MROH2A: variants seen among roughly 807,000 people sequenced by gnomAD.
MROH2A encodes the protein maestro heat like repeat family member 2A.
A neutral mutation model predicts 200.4 loss-of-function variants in MROH2A; 174 were observed. The observed-to-expected ratio is 0.87, with a 90% CI of 0.77 to 0.98. The LOEUF (loss-of-function observed/expected upper bound fraction) is 0.98. Among genes scored for constraint, MROH2A ranks in the 50% least tolerant of loss-of-function variants. The pLI is 0.00. For synonymous variants in MROH2A, 829 were observed against 840.4 expected, an observed-to-expected ratio of 0.99 and a Z score of 0.23; for missense variants, 2,045 against 2,139.6, an observed-to-expected ratio of 0.96 and a Z score of 0.87.
At chr2:233,830,414 G>A (rs1292482979) in intron 38 of MROH2A, among the ~76,000 whole-genome samples, 1 of 152,164 alleles carries the variant, frequency 6.6e-6, no homozygotes, top group Non-Finnish European at 1.5e-5. Context: ...TGGGGAGGTG[G>A]CTGATTTGGG....
Position 233,807,840 on chromosome 2 carries a change from G to A in MROH2A, c.2280G>A (p.Gln760=). ...ERIQESEQSW[Q]ISAWRKDHPW... ...TCCAGGAGTCAGAGCAGTCCTGGCA[G>A]ATCAGTGCTTGGCGGGTAAGCCACC... Residue 760 remains glutamine, a synonymous_variant, in exon 21 of 42, where the codon CAG becomes CAA. Transcript: ENST00000389758. This position sits in a 1 kb window ranked among gnomAD's most constrained non-coding sequence, Gnocchi z 4.3. 1.9e-6 allele frequency: 3 copies of A among 1,551,042 alleles called. No individual in the cohort carries two copies. The highest frequency in any genetic ancestry group is 1.7e-4 in the Middle Eastern group (1 of 5,998).
At chr2:233,799,086 C>G (rs1466288629) in intron 12 of MROH2A, among the ~76,000 whole-genome samples, 2 of 152,168 alleles carry the variant, frequency 1.3e-5, no homozygotes, top group Non-Finnish European at 2.9e-5. Flanking sequence ...CCACCTTGGA[C>G]CCAACAGAGG....
chr2:233,802,321 C>A lies in MROH2A; in HGVS notation c.1708+6C>A, dbSNP rs1702525141. 6.5e-7 allele frequency: 1 copy of A among 1,547,760 alleles called. No individual in the cohort carries two copies. Among genetic ancestry groups the A allele is most frequent in the South Asian group, 1.2e-5 (1 of 83,604 alleles). On this transcript the variant is annotated splice_donor_region_variant and intron_variant, in intron 15 of 41. Transcript: ENST00000389758. ...GGCTGGCAAGAGCAGGCAAGGTGGG[C>A]AAAGTTCCTGTCCAGCTGATTGGAT...
At chr2:233,792,945 G>T (rs1575926742) in intron 6 of MROH2A, 51 bp downstream of exon 6, 3 of 1,522,848 alleles carry the variant, frequency 2.0e-6, no homozygotes, top group Admixed American at 3.9e-5. Context: ...GGCGCCGGAG[G>T]GAGACTGCTG....
Position 233,810,928 on chromosome 2 carries a change from G to C in MROH2A, c.2571+12G>C. On this transcript the variant is annotated intron_variant, in intron 23 of 41. Coordinates refer to ENST00000389758, the MANE Select transcript of MROH2A (RefSeq NM_001394639.1). Reference sequence around the variant, plus strand: ...CCAGCATTATAGTGGTAAGCTGGGTGGGGCACCTCCTTGGTCCTGTTCCTG... The same window carrying C: ...CCAGCATTATAGTGGTAAGCTGGGTCGGGCACCTCCTTGGTCCTGTTCCTG... The C allele has an allele frequency of 6.5e-7, 1 of 1,549,262 alleles. No homozygotes were observed. The highest frequency in any genetic ancestry group is 8.7e-7 in the Non-Finnish European group (1 of 1,146,154).
intron 3 of MROH2A, among the ~76,000 whole-genome samples, chr2:233,787,467 T>C (rs1172308712): frequency 6.1e-5 from 8 of 130,670 alleles, no homozygotes; most frequent in East Asian, 2.1e-4. Context: ...TATATATATA[T>C]ACACATATAC....
Position 233,802,385 on chromosome 2 carries a change from C to T in MROH2A, c.1708+70C>T. On this transcript the variant is annotated intron_variant, in intron 15 of 41. Transcript: ENST00000389758. ...TGGCTCCTTGTCTGGGAATGCCCAC[C>T]CCTCTCCACATTCCTCCCACCCTCA... The T allele has an allele frequency of 3.4e-6, 5 of 1,470,582 alleles. 1 individual carries two copies. Among genetic ancestry groups the T allele is most frequent in the Non-Finnish European group, 3.6e-6 (4 of 1,096,050 alleles). The allele number at this position is 1,470,582 out of a possible 1,614,324, so 91.1% of individuals were successfully genotyped here.
chr2:233,793,642 G>C, intron 6 of MROH2A, 31 bp from the exon 7 acceptor site: 1 of 1,342,650 alleles, frequency 7.4e-7, no homozygotes, highest in Non-Finnish European at 9.6e-7. Flanking sequence ...CCCCTCTGGC[G>C]CCAAGTGCAT....
intron 5 of MROH2A, among the ~76,000 whole-genome samples, chr2:233,790,255 CTG>C (rs1485653108): frequency 1.6e-5 from 2 of 123,538 alleles, no homozygotes; most frequent in Non-Finnish European, 3.4e-5. Context: ...CTGCATTGTT[CTG>C]TCTTTCCATC....
chr2:233,813,922 A>C, intron 25 of MROH2A, 144 bp downstream of exon 25: 1 of 519,822 alleles, frequency 1.9e-6, no homozygotes, highest in Non-Finnish European at 3.5e-6. Flanking sequence ...AGTAAATGTA[A>C]GGTAATGCTA....
chr2:233,786,508 C>A (rs992366459), intron 3 of MROH2A, among the ~76,000 whole-genome samples: 1 of 152,210 alleles, frequency 6.6e-6, no homozygotes, highest in Non-Finnish European at 1.5e-5. Context: ...AATTACCTTT[C>A]GAAGGGCTCA....
chr2:233,809,053 G>GCCAGAGA (rs1702985476), intron 21 of MROH2A, 73 bp from the exon 22 acceptor site: 3 of 1,483,006 alleles, frequency 2.0e-6, no homozygotes, highest in Admixed American at 4.2e-5. Flanking sequence ...TGGTTGTGTG[G>GCCAGAGA]CCAGAGACCA....
At position 233,793,660 on chromosome 2, in the gene MROH2A, T is replaced by A. The variant is rs1255028973; in HGVS notation, c.671-13T>A. Reference sequence around the variant, plus strand: ...CTCTGGCGCCAAGTGCATTCCCCTGTTGCTGTTGGTAGCCATGGAGACCTT... The same window carrying A: ...CTCTGGCGCCAAGTGCATTCCCCTGATGCTGTTGGTAGCCATGGAGACCTT... On this transcript the variant is annotated splice_polypyrimidine_tract_variant and intron_variant, in intron 6 of 41. Transcript: ENST00000389758. 7.3e-7 allele frequency: 1 copy of A among 1,375,132 alleles called. No homozygotes were observed. Among genetic ancestry groups the A allele is most frequent in the South Asian group, 1.9e-5 (1 of 53,440 alleles). The allele number at this position is 1,375,132 out of a possible 1,614,324, so 85.2% of individuals were successfully genotyped here.
At chr2:233,795,623 C>G in intron 8 of MROH2A, 30 bp from the exon 9 acceptor site, 1 of 1,550,746 alleles carries the variant, frequency 6.4e-7, no homozygotes, top group Non-Finnish European at 8.7e-7. Flanking sequence ...GGTAGAAGGT[C>G]ACCTGCCACC....
chr2:233,831,857 T>A (rs999350719), intron 39 of MROH2A, among the ~76,000 whole-genome samples: 4 of 152,258 alleles, frequency 2.6e-5, no homozygotes, highest in African/African-American at 9.6e-5. Flanking sequence ...TGTGATATTT[T>A]ACAATTTTTG....
chr2:233,802,056 A>C, intron 14 of MROH2A, 112 bp from the exon 15 acceptor site: 10 of 1,202,696 alleles, frequency 8.3e-6, no homozygotes, highest in Non-Finnish European at 1.1e-5. Flanking sequence ...GTCAGGGGAC[A>C]TCTCTGGGGA....
intron 27 of MROH2A, 62 bp from the exon 28 acceptor site, chr2:233,817,940 G>A (rs1476037453): frequency 7.8e-6 from 12 of 1,543,638 alleles, no homozygotes; most frequent in African/African-American, 6.9e-5. Flanking sequence ...CACTGCCCCT[G>A]GGCAGCCCCA....
chr2:233,829,866 A>G, intron 38 of MROH2A, 91 bp downstream of exon 38: 1 of 1,188,826 alleles, frequency 8.4e-7, no homozygotes, highest in South Asian at 3.5e-5. Flanking sequence ...GGTGAGCTGC[A>G]AGCTTTTCTC....
At chr2:233,803,194 T>A (rs1702579161) in intron 15 of MROH2A, among the ~76,000 whole-genome samples, 1 of 152,206 alleles carries the variant, frequency 6.6e-6, no homozygotes, top group Non-Finnish European at 1.5e-5. Context: ...CACTACAAAA[T>A]GCGCATGGCC....
Sources: allele counts gnomAD v4.1 joint callset (sites outside exome capture counted in the v4.1 genomes callset), GRCh38; gene constraint gnomAD v4.1.1; non-coding constraint Gnocchi (gnomAD v3.1); transcripts MANE v1.5; gene names NCBI Gene and HGNC (gene_info 2026-07-23, HGNC 2026-07-21).